CPSF3: variants seen among roughly 807,000 people sequenced by gnomAD.
CPSF3 encodes the protein cleavage and polyadenylation specific factor 3, also known as cleavage and polyadenylation specificity factor subunit 3.
Under a neutral mutation model 84.1 loss-of-function variants are expected in CPSF3, and 57 were observed. The observed-to-expected ratio is 0.68, with a 90% CI of 0.55 to 0.85. The LOEUF (loss-of-function observed/expected upper bound fraction) is 0.85, where lower values mean the gene tolerates loss of function less well. Among genes scored for constraint, CPSF3 ranks in the 40% least tolerant of loss-of-function variants. The pLI, the probability that CPSF3 is intolerant of heterozygous loss-of-function variation, is 0.00. For missense variants in CPSF3, 522 were observed against 838.8 expected, an observed-to-expected ratio of 0.62 and a Z score of 4.66; for synonymous variants, 275 against 278.1, an observed-to-expected ratio of 0.99 and a Z score of 0.11.
chr2:9,431,766 G>A (rs1476222563), intron 4 of CPSF3, among the ~76,000 whole-genome samples: 2 of 151,732 alleles, frequency 1.3e-5, no homozygotes, highest in Non-Finnish European at 2.9e-5. Context: ...GGCCAGCCTG[G>A]TCTTGAACTC....
intron 15 of CPSF3, 152 bp from the exon 16 acceptor site, chr2:9,467,555 C>T (rs967950322): frequency 4.1e-6 from 2 of 484,420 alleles, no homozygotes; most frequent in Non-Finnish European, 7.2e-6. Context: ...TTTCCTTTAG[C>T]AGGCAAATAA....
intron 3 of CPSF3, 34 bp downstream of exon 3, chr2:9,430,054 A>G: frequency 8.4e-7 from 1 of 1,197,000 alleles, no homozygotes; most frequent in Middle Eastern, 2.0e-4. Context: ...ACACTTTTTC[A>G]CGGACTTTTA....
At chr2:9,424,035 C>G in intron 1 of CPSF3, 1 of 1,285,868 alleles carries the variant, frequency 7.8e-7, no homozygotes, top group Non-Finnish European at 9.9e-7. Flanking sequence ...TTTGCTTTTT[C>G]ATCAGTTTCA....
intron 7 of CPSF3, among the ~76,000 whole-genome samples, chr2:9,440,150 A>C (rs1348625248): frequency 2.0e-5 from 3 of 152,142 alleles, no homozygotes; most frequent in Admixed American, 1.3e-4. Context: ...CACTTTTCTA[A>C]TACATTTAAA....
intron 1 of CPSF3, 69 bp downstream of exon 1, chr2:9,423,892 GCCT>G (rs1361556902): frequency 2.9e-5 from 46 of 1,580,956 alleles, no homozygotes; most frequent in Non-Finnish European, 2.4e-5. Context: ...CCGGAGACTG[GCCT>G]CCTCCGTCGC....
chr2:9,452,713 C>A (rs1003964089), intron 11 of CPSF3, among the ~76,000 whole-genome samples, 200 bp from the exon 12 acceptor site: 1 of 152,208 alleles, frequency 6.6e-6, no homozygotes, highest in Non-Finnish European at 1.5e-5. Context: ...GCCACTGTGA[C>A]TCTTCCCTTT....
chr2:9,459,488 A>G, intron 14 of CPSF3, 43 bp from the exon 15 acceptor site: 1 of 1,319,434 alleles, frequency 7.6e-7, no homozygotes, highest in South Asian at 1.2e-5. Flanking sequence ...GTGGTTGGTC[A>G]CCCTAGGTAG....
rs529985279 is a variant in CPSF3, at chr2:9,465,882, G to A, written c.1787-1825G>A. Among the ~76,000 whole-genome samples the A allele has an allele frequency of 2.0e-4, 30 of 152,306 alleles. 1 individual carries two copies. The South Asian group carries it at 6.2e-3, about 32-fold the overall frequency. On this transcript the variant is annotated intron_variant, in intron 15 of 17. Coordinates refer to ENST00000238112, the MANE Select transcript of CPSF3 (RefSeq NM_016207.4). ...ATCCATATATATGGGGTGTGTGTGT[G>A]TGTGTTGTCTGAAGGATTTTAAAAT...
At position 9,443,496 on chromosome 2, in the gene CPSF3, T is replaced by C; in HGVS notation, c.1096-19T>C. 6.3e-7 allele frequency: 1 copy of C among 1,594,894 alleles called. No individual in the cohort carries two copies. Among genetic ancestry groups the C allele is most frequent in the South Asian group, 1.1e-5 (1 of 89,008 alleles). The stretch of plus-strand genomic sequence containing the variant: ...ATAACTGGGTAGTTTGTTTTGTTAT[T>C]TTTCTTTATTTTCCACAGCACATCA... On this transcript the variant is annotated intron_variant, in intron 9 of 17. Coordinates refer to ENST00000238112, the MANE Select transcript of CPSF3 (RefSeq NM_016207.4).
At chr2:9,452,117 T>C (rs561056482) in intron 11 of CPSF3, among the ~76,000 whole-genome samples, 2 of 152,160 alleles carry the variant, frequency 1.3e-5, no homozygotes, top group African/African-American at 4.8e-5. Flanking sequence ...TCATCTGAGG[T>C]CAGGAGTTCA....
At position 9,428,613 on chromosome 2, in the gene CPSF3, G is replaced by C. The variant is rs1209520415; in HGVS notation, c.51-152G>C. 3 of 607,098 alleles carry C rather than the reference G, an allele frequency of 4.9e-6. No homozygotes were observed. The Admixed American group carries it at 8.8e-5, about 18-fold the overall frequency. 37.6% of individuals were successfully genotyped at this position (607,098 alleles called of 1,614,324 possible). On this transcript the variant is annotated intron_variant, in intron 1 of 17. Transcript: ENST00000238112. ...GTGGACACTGTTCTTCCCTGTCTTT[G>C]TGATTTTGTAGAACTCTCTTACGTC...
chr2:9,467,771 G>A lies in CPSF3; in HGVS notation c.1851G>A (p.Met617Ile). 16 of 1,600,080 alleles carry A rather than the reference G, an allele frequency of 1.0e-5. No individual in the cohort carries two copies. The highest frequency in any genetic ancestry group is 1.4e-5 in the Non-Finnish European group (16 of 1,171,048). The change falls in exon 16 of 18, where the codon ATG becomes ATA. Residue 617 changes from methionine to isoleucine, a missense_variant. Transcript: ENST00000238112. ...MHVYSKRLEI[M>I]LQDIFGEDCV... is the part of the protein sequence containing the mutation. ...TTTACAGCAAGAGGTTGGAGATCAT[G>A]CTCCAGTAAGTTTTTCACCCATTAT...
chr2:9,446,942 C>A (rs1008384573), intron 10 of CPSF3, among the ~76,000 whole-genome samples: 4 of 152,008 alleles, frequency 2.6e-5, no homozygotes, highest in Non-Finnish European at 5.9e-5. Context: ...AAGTTTGAGA[C>A]CAGCCTAGAC....
chr2:9,434,005 AT>A (rs751056488), intron 6 of CPSF3, 45 bp downstream of exon 6: 33 of 1,170,236 alleles, frequency 2.8e-5, no homozygotes, highest in South Asian at 9.4e-5. Flanking sequence ...ATGTAAGCAG[AT>A]TTTTTTTCTT....
Position 9,452,910 on chromosome 2 carries a change from C to T in CPSF3, c.1396-3C>T, listed in dbSNP as rs200695598. 7.6e-6 allele frequency: 12 copies of T among 1,568,744 alleles called. No homozygotes were observed. In the African/African-American group the frequency reaches 1.1e-4, roughly 15 times the overall value. On this transcript the variant is annotated splice_polypyrimidine_tract_variant and splice_region_variant and intron_variant, in intron 11 of 17. Coordinates refer to ENST00000238112, the MANE Select transcript of CPSF3 (RefSeq NM_016207.4). The stretch of plus-strand genomic sequence containing the variant: ...ATTTTCTTCAAGTATTTTTTTTTTA[C>T]AGGTTATGGGATTTTTAGCAGACAA...
At chr2:9,456,477 A>G (rs1351274160) in intron 13 of CPSF3, among the ~76,000 whole-genome samples, 2 of 152,230 alleles carry the variant, frequency 1.3e-5, no homozygotes, top group East Asian at 3.8e-4. Flanking sequence ...GAAGGTTAAT[A>G]AAATATGTCT....
chr2:9,466,326 A>T lies in CPSF3; in HGVS notation c.1787-1381A>T, dbSNP rs569875105. ...CACACGCACACTGACGCACGCACAC[A>T]GACGCACGCACACACGCGCGCGCGC... is the stretch of plus-strand genomic sequence containing the variant. On this transcript the variant is annotated intron_variant, in intron 15 of 17. Coordinates refer to ENST00000238112, the MANE Select transcript of CPSF3 (RefSeq NM_016207.4). Among the ~76,000 whole-genome samples, 14 of 67,476 alleles carry T rather than the reference A, an allele frequency of 2.1e-4. No individual in the cohort carries two copies. In the South Asian group the frequency reaches 3.0e-3, roughly 15 times the overall value. 44.3% of individuals were successfully genotyped at this position (67,476 alleles called of 152,430 possible).
At chr2:9,436,082 C>G (rs1027025964) in intron 6 of CPSF3, 129 bp from the exon 7 acceptor site, 1 of 766,718 alleles carries the variant, frequency 1.3e-6, no homozygotes, top group Non-Finnish European at 2.0e-6. Context: ...TATGACAACA[C>G]ATGTTCGAGT....
intron 15 of CPSF3, among the ~76,000 whole-genome samples, chr2:9,465,563 A>ACG (rs70948818): frequency 1.3e-4 from 19 of 147,722 alleles, no homozygotes; most frequent in African/African-American, 4.0e-4. Flanking sequence ...ACACACACAC[A>ACG]CGCGCGCGCG....
Sources: allele counts gnomAD v4.1 joint callset (sites outside exome capture counted in the v4.1 genomes callset), GRCh38; gene constraint gnomAD v4.1.1; transcripts MANE v1.5; gene names NCBI Gene and HGNC (gene_info 2026-07-23, HGNC 2026-07-21).